Variants in DYNC2H1 observed in about 807,000 individuals in gnomAD.
DYNC2H1 encodes the protein dynein cytoplasmic 2 heavy chain 1.
A neutral mutation model predicts 570.0 loss-of-function variants in DYNC2H1; 410 were observed. The observed-to-expected ratio is 0.72, with a 90% CI of 0.66 to 0.78. DYNC2H1 has a LOEUF of 0.78. Ranked by LOEUF, DYNC2H1 falls within the 30% of genes least tolerant of loss-of-function variation. The probability of loss-of-function intolerance (pLI) is 0.00; values close to 1 mark genes in which losing one functional copy is unlikely to be tolerated. For missense variants in DYNC2H1, 4,865 were observed against 5,046.4 expected, an observed-to-expected ratio of 0.96 and a Z score of 1.09; for synonymous variants, 1,688 against 1,677.6, an observed-to-expected ratio of 1.01 and a Z score of -0.15.
intron 36 of DYNC2H1, among the ~76,000 whole-genome samples, chr11:103,174,626 A>G (rs1565367043): frequency 1.3e-5 from 2 of 152,134 alleles, no homozygotes; most frequent in Non-Finnish European, 2.9e-5. Context: ...GAAACCTTAG[A>G]AACACATGTA....
At chr11:103,341,399 A>G (rs1457856077) in intron 82 of DYNC2H1, among the ~76,000 whole-genome samples, 1 of 152,206 alleles carries the variant, frequency 6.6e-6, no homozygotes, top group Non-Finnish European at 1.5e-5. Flanking sequence ...TAATCCTTAA[A>G]CTGTCATAAT....
chr11:103,430,353 T>C (rs1943843994), intron 84 of DYNC2H1, among the ~76,000 whole-genome samples: 2 of 152,160 alleles, frequency 1.3e-5, no homozygotes, highest in African/African-American at 4.8e-5. Context: ...AAAGTCTTAA[T>C]GTAGATAAAA....
chr11:103,312,568 C>CAAAAAAAAAA (rs1591561544), intron 79 of DYNC2H1, among the ~76,000 whole-genome samples: 1 of 32,488 alleles, frequency 3.1e-5, no homozygotes, highest in African/African-American at 1.1e-4. Flanking sequence ...AAAAAAAAAC[C>CAAAAAAAAAA]AATTGTAATG....
intron 10 of DYNC2H1, 23 bp from the exon 11 acceptor site, chr11:103,122,800 CAT>C (rs777890217): frequency 4.9e-4 from 783 of 1,596,606 alleles, no homozygotes; most frequent in Non-Finnish European, 6.3e-4. Flanking sequence ...AAATAATGCA[CAT>C]GTCTGTAATT....
In DYNC2H1 at chr11:103,236,438, C is replaced by G. The variant is rs781160889; in HGVS notation, c.9718C>G (p.Leu3240Val). The G allele has an allele frequency of 6.3e-7, 1 of 1,592,116 alleles. No homozygotes were observed. Among genetic ancestry groups the G allele is most frequent in the Non-Finnish European group, 8.6e-7 (1 of 1,161,110 alleles). ...TATCTTCAACTTTTCAGAATTTGAT[C>G]TGAGGAGATTTCTTTGTACTGAAAG... is the stretch of plus-strand genomic sequence containing the variant. ...TKSAGLEKFDLRRFLCTESEQ... is the reference protein window; with the variant it reads ...TKSAGLEKFDVRRFLCTESEQ... The change falls in exon 63 of 89, where the codon CTG (leucine) becomes GTG (valine). Residue 3240 changes from leucine to valine, a missense_variant. This residue lies in a region of DYNC2H1 where 2,401 missense variants were observed against 2,454.6 expected (regional missense o/e 0.98). Transcript: ENST00000375735.
At chr11:103,229,096 A>G (rs1036015894) in intron 59 of DYNC2H1, among the ~76,000 whole-genome samples, 3 of 152,196 alleles carry the variant, frequency 2.0e-5, no homozygotes, top group African/African-American at 7.2e-5. Flanking sequence ...ACCATGCCCC[A>G]ACAGCACCAA....
At chr11:103,425,250 A>C (rs1321328335) in intron 84 of DYNC2H1, among the ~76,000 whole-genome samples, 1 of 152,056 alleles carries the variant, frequency 6.6e-6, no homozygotes, top group East Asian at 1.9e-4. Flanking sequence ...AATAAACATC[A>C]TTCTTTATTC....
At position 103,353,788 on chromosome 11, in the gene DYNC2H1, T is replaced by C. The variant is rs529551270; in HGVS notation, c.12040-4455T>C. ...TTAACTATTAACATATAAACATATTTTTAGCTGTTGTTTTTAAGTAATGTT... is the reference window on the plus strand; with the variant it reads ...TTAACTATTAACATATAAACATATTCTTAGCTGTTGTTTTTAAGTAATGTT... On this transcript the variant is annotated intron_variant, in intron 82 of 88. Transcript: ENST00000375735. 3.9e-5 allele frequency among the ~76,000 whole-genome samples: 6 copies of C among 152,276 alleles called. No individual in the cohort carries two copies. In the South Asian group the frequency reaches 1.0e-3, roughly 26 times the overall value.
chr11:103,317,438 T>C (rs1937917147), intron 80 of DYNC2H1, among the ~76,000 whole-genome samples: 3 of 152,118 alleles, frequency 2.0e-5, no homozygotes, highest in Admixed American at 2.0e-4. Context: ...CACATCATGA[T>C]TCTATTCGCT....
At chr11:103,237,897 G>T (rs765961064) in intron 63 of DYNC2H1, among the ~76,000 whole-genome samples, 34 of 152,056 alleles carry the variant, frequency 2.2e-4, no homozygotes, top group Non-Finnish European at 2.8e-4. Context: ...ATGGATATGG[G>T]AAATTGCCTT....
chr11:103,468,706 G>GT lies in DYNC2H1; in HGVS notation c.12765+2dup. On this transcript the variant is annotated splice_donor_variant, in intron 88 of 88. Transcript: ENST00000375735. LOFTEE classifies it high-confidence loss of function. ...TTGTTTTATGGGCTGGATTCCACAG[G>GT]TAATACATTTTTAACAAGCACAAGT... The GT allele has an allele frequency of 1.3e-6, 2 of 1,599,656 alleles. No individual in the cohort carries two copies. Among genetic ancestry groups the GT allele is most frequent in the Non-Finnish European group, 1.7e-6 (2 of 1,168,932 alleles).
intron 75 of DYNC2H1, among the ~76,000 whole-genome samples, chr11:103,288,684 T>TGAAAAAA (rs1401919829): frequency 3.6e-5 from 1 of 27,904 alleles, no homozygotes; most frequent in African/African-American, 1.6e-4. Context: ...CCGTCTCTAC[T>TGAAAAAA]AAAAAAAAAA....
At position 103,228,511 on chromosome 11, in the gene DYNC2H1, G is replaced by A. The variant is rs1863882056; in HGVS notation, c.9354-2749G>A. On this transcript the variant is annotated intron_variant, in intron 59 of 88. Transcript: ENST00000375735. This position sits in a 1 kb window ranked among gnomAD's most constrained non-coding sequence, Gnocchi z 6.1. ...CTGGGCTCTGGGCTGGTGTTGGGGA[G>A]TGTCTGCACAGAGTCCTGTGATGTG... Among the ~76,000 whole-genome samples, 1 of 152,192 alleles carries A rather than the reference G, an allele frequency of 6.6e-6. No homozygotes were observed. Among genetic ancestry groups the A allele is most frequent in the African/African-American group, 2.4e-5 (1 of 41,456 alleles).
intron 73 of DYNC2H1, among the ~76,000 whole-genome samples, chr11:103,284,558 G>C (rs581713): frequency 0.17 from 25,334 of 152,074 alleles, 2,278 homozygotes; most frequent in Admixed American, 0.25. Flanking sequence ...CATTAGCAAT[G>C]ATGGGGCCTT....
chr11:103,431,651 GAA>G (rs1466646764), intron 84 of DYNC2H1, among the ~76,000 whole-genome samples: 1 of 152,100 alleles, frequency 6.6e-6, no homozygotes, highest in Non-Finnish European at 1.5e-5. Flanking sequence ...TTGCCAATAA[GAA>G]ATACGTTGGT....
At chr11:103,253,256 C>T (rs943718379) in intron 65 of DYNC2H1, 29 bp from the exon 66 acceptor site, 2 of 1,586,270 alleles carry the variant, frequency 1.3e-6, no homozygotes, top group Admixed American at 1.7e-5. Flanking sequence ...AAGATTCAGA[C>T]CAACCAATTG....
intron 83 of DYNC2H1, among the ~76,000 whole-genome samples, chr11:103,360,072 G>A (rs989370450): frequency 1.3e-5 from 2 of 152,102 alleles, no homozygotes; most frequent in African/African-American, 2.4e-5. Flanking sequence ...AAAGGTAACA[G>A]TGTAGAATCT....
At chr11:103,273,501 T>A (rs1865789116) in intron 70 of DYNC2H1, among the ~76,000 whole-genome samples, 1 of 152,214 alleles carries the variant, frequency 6.6e-6, no homozygotes, top group Non-Finnish European at 1.5e-5. Context: ...TTAATTTTTT[T>A]ATTCTTAATT....
intron 84 of DYNC2H1, among the ~76,000 whole-genome samples, chr11:103,430,252 G>T (rs540915788): frequency 8.6e-5 from 13 of 152,040 alleles, no homozygotes; most frequent in Admixed American, 7.9e-4. Context: ...GTGTTTTTTT[G>T]TGCAAGTCAC....
Sources: allele counts gnomAD v4.1 joint callset (sites outside exome capture counted in the v4.1 genomes callset), GRCh38; gene constraint gnomAD v4.1.1; regional missense constraint gnomAD v4.1.1; non-coding constraint Gnocchi (gnomAD v3.1); transcripts MANE v1.5; gene names NCBI Gene and HGNC (gene_info 2026-07-23, HGNC 2026-07-21).